DLC1: variants seen among roughly 807,000 people sequenced by gnomAD.
DLC1 encodes the protein DLC1 Rho GTPase activating protein.
In DLC1, 54 loss-of-function variants were observed where a neutral mutation model predicts 140.3. The observed-to-expected ratio is 0.38, with a 90% CI of 0.31 to 0.48. DLC1 has a LOEUF of 0.48. Among genes scored for constraint, DLC1 ranks in the 20% least tolerant of loss-of-function variants. DLC1 has a pLI of 0.96. For missense variants in DLC1, 2,536 were observed against 1,907.0 expected (o/e 1.33, Z -6.14); for synonymous variants, 986 against 728.1 (o/e 1.35, Z -5.70).
chr8:13,091,689 T>G (rs1818088724), intron 13 of DLC1, among the ~76,000 whole-genome samples: 5 of 152,140 alleles, frequency 3.3e-5, no homozygotes, highest in Admixed American at 3.3e-4. Flanking sequence ...AATAGGTTCC[T>G]ACTGGGAACA....
chr8:13,274,025 G>A (rs1377481365), intron 5 of DLC1, among the ~76,000 whole-genome samples: 2 of 152,132 alleles, frequency 1.3e-5, no homozygotes, highest in Non-Finnish European at 2.9e-5. Context: ...ATAAAGAAAA[G>A]GGTTTGGACT....
At chr8:13,154,560 G>T (rs951173758) in intron 5 of DLC1, among the ~76,000 whole-genome samples, 1 of 152,154 alleles carries the variant, frequency 6.6e-6, no homozygotes, top group Non-Finnish European at 1.5e-5. Flanking sequence ...GCGCAGCCCC[G>T]GTTCCTGCTG....
chr8:13,092,181 G>T (rs1818133950), intron 13 of DLC1, among the ~76,000 whole-genome samples: 1 of 152,190 alleles, frequency 6.6e-6, no homozygotes, highest in South Asian at 2.1e-4. Flanking sequence ...GAAGGCAGAG[G>T]TTGCAGTGAG....
intron 1 of DLC1, among the ~76,000 whole-genome samples, chr8:13,561,476 G>A (rs1049715772): frequency 9.9e-5 from 15 of 152,246 alleles, no homozygotes; most frequent in Admixed American, 4.6e-4. Context: ...GCCACTACAC[G>A]TGCAGGATTT....
chr8:13,580,735 A>G (rs933471602), intron 1 of DLC1, among the ~76,000 whole-genome samples: 3 of 152,198 alleles, frequency 2.0e-5, no homozygotes, highest in African/African-American at 7.2e-5. Flanking sequence ...TTTAATTTAC[A>G]TTAGGCAGTA....
intron 4 of DLC1, among the ~76,000 whole-genome samples, chr8:13,353,859 A>G (rs77431383): frequency 2.2e-5 from 3 of 137,086 alleles, no homozygotes; most frequent in African/African-American, 8.6e-5. Flanking sequence ...CTTCGTCTGG[A>G]AAAAAAAAAA....
chr8:13,559,914 CT>C (rs5889453), intron 1 of DLC1, among the ~76,000 whole-genome samples: 25,090 of 152,104 alleles, frequency 0.16, 2,358 homozygotes, highest in East Asian at 0.29. Context: ...ATGGACTTAA[CT>C]TTATAAAATT....
chr8:13,591,357 A>C (rs7840620), intron 1 of DLC1, among the ~76,000 whole-genome samples: 45,138 of 151,848 alleles, frequency 0.3, 7,380 homozygotes, highest in African/African-American at 0.45. Flanking sequence ...TGCCCTCAAG[A>C]TGTTCTTGTG....
intron 3 of DLC1, among the ~76,000 whole-genome samples, chr8:13,394,777 T>G (rs1836941461): frequency 6.6e-6 from 1 of 152,164 alleles, no homozygotes; most frequent in Non-Finnish European, 1.5e-5. Context: ...TTTCTTTTAA[T>G]ACAGTAAGCT....
chr8:13,268,585 A>T (rs754365276), intron 5 of DLC1, among the ~76,000 whole-genome samples: 1 of 152,072 alleles, frequency 6.6e-6, no homozygotes, highest in Admixed American at 6.6e-5. Flanking sequence ...GAGTCTTGCT[A>T]TGTTGCCCAG....
intron 2 of DLC1, among the ~76,000 whole-genome samples, chr8:13,476,803 T>C (rs1004961538): frequency 1.1e-4 from 16 of 152,222 alleles, no homozygotes; most frequent in Non-Finnish European, 2.2e-4. Flanking sequence ...GTGATTGAAT[T>C]AACACATGTA....
chr8:13,501,558 A>G (rs1185995113), intron 1 of DLC1, among the ~76,000 whole-genome samples: 4 of 152,200 alleles, frequency 2.6e-5, no homozygotes, highest in East Asian at 1.9e-4. Flanking sequence ...AGTCTATTCT[A>G]TTGTAAAGGG....
chr8:13,580,587 G>T (rs1457590339), intron 1 of DLC1, among the ~76,000 whole-genome samples: 1 of 152,196 alleles, frequency 6.6e-6, no homozygotes. Context: ...TCATCTTGCA[G>T]AGGTGAGATG....
rs982589721 is a variant in DLC1 at position 13,442,705 on chromosome 8, A to G, written c.1024-41086T>C. On this transcript the variant is annotated intron_variant, in intron 2 of 17. Coordinates refer to ENST00000276297, the MANE Select transcript of DLC1 (RefSeq NM_182643.3). ...ACAATCATTAAAAAGTCAGGAAACA[A>G]CAGTGCTGGAGAGGATGTGGAGATA... 3.3e-5 allele frequency among the ~76,000 whole-genome samples: 5 copies of G among 152,220 alleles called. No individual in the cohort carries two copies. In the East Asian group the frequency reaches 9.6e-4, roughly 29 times the overall value.
chr8:13,384,373 C>T (rs1044826298), intron 4 of DLC1, among the ~76,000 whole-genome samples: 12 of 123,234 alleles, frequency 9.7e-5, no homozygotes, highest in Admixed American at 1.5e-4. Context: ...TGTGTGTGAG[C>T]GTGCGCGTGT....
At chr8:13,175,032 T>A (rs371427703) in intron 5 of DLC1, among the ~76,000 whole-genome samples, 3,300 of 152,164 alleles carry the variant, frequency 0.022, 122 homozygotes, top group African/African-American at 0.073. Context: ...CATCTTCAGT[T>A]AATTTTTGAA....
At chr8:13,102,878 G>C (rs1390208043) in intron 7 of DLC1, 25 bp from the exon 8 acceptor site, 2 of 1,599,358 alleles carry the variant, frequency 1.3e-6, no homozygotes, top group Non-Finnish European at 1.7e-6. Context: ...AATAACGTTA[G>C]CAAAGATAGG....
chr8:13,426,215 T>TCAGC (rs61012787), intron 2 of DLC1, among the ~76,000 whole-genome samples: 1 of 151,566 alleles, frequency 6.6e-6, no homozygotes, highest in Non-Finnish European at 1.5e-5. Context: ...TAAATGACAG[T>TCAGC]TTTCTTTTGA....
chr8:13,153,891 A>G (rs1161835444), intron 5 of DLC1, among the ~76,000 whole-genome samples: 1 of 151,952 alleles, frequency 6.6e-6, no homozygotes, highest in Non-Finnish European at 1.5e-5. Context: ...TTAGCTAGAC[A>G]TAAAGGTTCT....
Sources: gnomAD v4.1 joint callset for allele counts (sites outside exome capture counted in the v4.1 genomes callset) on GRCh38, gnomAD v4.1.1 for gene constraint, MANE v1.5 for transcripts, NCBI Gene and HGNC (gene_info 2026-07-23, HGNC 2026-07-21) for gene names.